The following KCNG4 variants were observed in gnomAD, a reference collection of about 807,000 sequenced individuals.
The protein encoded by KCNG4 is voltage-gated potassium channel regulatory subunit KCNG4.
In KCNG4, 30 loss-of-function variants were observed where a neutral mutation model predicts 28.2. The ratio of observed to expected loss-of-function variants is 1.06; its 90% confidence interval spans 0.80 to 1.44. KCNG4 has a LOEUF of 1.44. Ranked by LOEUF, KCNG4 falls within the 40% of genes most tolerant of loss-of-function variation. The probability of loss-of-function intolerance (pLI) is 0.00; values close to 1 mark genes in which losing one functional copy is unlikely to be tolerated. For missense variants in KCNG4, 879 were observed against 712.3 expected, an observed-to-expected ratio of 1.23 and a Z score of -2.66; for synonymous variants, 375 against 315.5, an observed-to-expected ratio of 1.19 and a Z score of -2.00.
chr16:84,232,440 G>A (rs985460703), intron 2 of KCNG4, among the ~76,000 whole-genome samples: 3 of 152,178 alleles, frequency 2.0e-5, no homozygotes, highest in Non-Finnish European at 2.9e-5. Context: ...GGAAGGAGGA[G>A]AGACTGCCTA....
At position 84,229,579 on chromosome 16, in the gene KCNG4, G is replaced by T. The variant is rs114025366; in HGVS notation, c.757-6559C>A. 2.9e-3 allele frequency among the ~76,000 whole-genome samples: 441 copies of T among 152,364 alleles called. 4 individuals are homozygous for T. The highest frequency in any genetic ancestry group is 0.01 in the African/African-American group (428 of 41,584). ...TGCTGGTGTCCCGTCAGCAGTCACC[G>T]AAGGAGAGACCTAGGGACTCTCCCA... On this transcript the variant is annotated intron_variant, in intron 2 of 2. Transcript: ENST00000308251.
Position 84,222,980 on chromosome 16 carries a change from T to C in KCNG4, c.797A>G (p.Glu266Gly). 1 of 1,546,832 alleles carries C rather than the reference T, an allele frequency of 6.5e-7. No individual in the cohort carries two copies. Among genetic ancestry groups the C allele is most frequent in the Non-Finnish European group, 8.7e-7 (1 of 1,145,944 alleles). ...SRKCYYIFIV[E>G]TICVAWFSLE... ...GGAGAACCAGGCCACGCAGATGGTC[T>C]CCACGATGAAAATATAGTAGCACTT... The change falls in exon 3 of 3, where the codon GAG becomes GGG. Residue 266 changes from glutamate (E) to glycine (G), a missense_variant. Glu to Gly is a moderately conservative substitution (Grantham distance 98). Transcript: ENST00000308251.
In KCNG4 at chr16:84,222,390, C is replaced by T. The variant is rs1308483470; in HGVS notation, c.1387G>A (p.Glu463Lys). ...AGCTGCTCCTGCTCCTTCTTGAGCT[C>T]CAGGTAGGAGTGGGAGAAGGTGTGG... ...IFHTFSHSYL[E>K]LKKEQEQLQA... is the part of the protein sequence containing the mutation. Residue 463 changes from glutamate to lysine, a missense_variant, in exon 3 of 3, where the codon GAG (glutamate) becomes AAG (lysine). Physicochemically the swap from Glu to Lys is moderately conservative, Grantham distance 56 (BLOSUM62 1). Coordinates refer to ENST00000308251, the MANE Select transcript of KCNG4 (RefSeq NM_172347.3). 10 of 1,613,946 alleles carry T rather than the reference C, an allele frequency of 6.2e-6. No individual in the cohort carries two copies. The highest frequency in any genetic ancestry group is 8.5e-6 in the Non-Finnish European group (10 of 1,180,014).
chr16:84,229,645 C>G (rs896585793), intron 2 of KCNG4, among the ~76,000 whole-genome samples: 3 of 152,172 alleles, frequency 2.0e-5, no homozygotes, highest in African/African-American at 4.8e-5. Context: ...CCTTCCTGAA[C>G]GACTCATGAA....
Position 84,226,244 on chromosome 16 carries a change from A to G in KCNG4, c.757-3224T>C, listed in dbSNP as rs1904694805. 1.3e-5 allele frequency among the ~76,000 whole-genome samples: 2 copies of G among 152,274 alleles called. No individual in the cohort carries two copies. Among genetic ancestry groups the G allele is most frequent in the South Asian group, 4.1e-4 (2 of 4,824 alleles). On this transcript the variant is annotated intron_variant, in intron 2 of 2. Transcript: ENST00000308251. This position sits in a 1 kb window ranked among gnomAD's most constrained non-coding sequence, Gnocchi z 4.1. Reference sequence around the variant, plus strand: ...AACACCGATGAATCCCACAGGCATGATGTGGAGCAAAGCAAGCCGGGTGTG... The same window carrying G: ...AACACCGATGAATCCCACAGGCATGGTGTGGAGCAAAGCAAGCCGGGTGTG...
rs765501123 is a variant in KCNG4 at position 84,236,804 on chromosome 16, T to C, written c.682A>G (p.Ile228Val). Residue 228 changes from isoleucine (I) to valine (V), a missense_variant, in exon 2 of 3, where the codon ATC becomes GTC. Ile to Val is a conservative substitution (Grantham distance 29). Transcript: ENST00000308251. ...ACGGCTGTGGTGGCCACGAAGAGGA[T>C]GGAGAGGCAAGCGAAGACCTTCCCG... ...LPGKVFACLS[I>V]LFVATTAVSL... 1.1e-5 allele frequency: 18 copies of C among 1,613,606 alleles called. No individual in the cohort carries two copies. Among genetic ancestry groups the C allele is most frequent in the Non-Finnish European group, 1.4e-5 (17 of 1,180,002 alleles).
rs752119109 is a variant in KCNG4 at position 84,221,938 on chromosome 16, T to G, written c.*279A>C. 9.1e-6 allele frequency: 4 copies of G among 440,632 alleles called. No individual in the cohort carries two copies. The highest frequency in any genetic ancestry group is 4.3e-5 in the East Asian group (1 of 23,262). The allele number at this position is 440,632 out of a possible 1,614,324, so 27.3% of individuals were successfully genotyped here. On this transcript the variant is annotated 3_prime_UTR_variant, in exon 3 of 3. Transcript: ENST00000308251. The stretch of plus-strand genomic sequence containing the variant: ...GCCTCTGCTGGGAAGGAAAAGAGAA[T>G]GAAAGGAGACTGAGCTACTCCAGCA...
intron 2 of KCNG4, among the ~76,000 whole-genome samples, chr16:84,234,545 T>A (rs1904898902): frequency 6.6e-6 from 1 of 152,172 alleles, no homozygotes; most frequent in Non-Finnish European, 1.5e-5. Flanking sequence ...CCAACGGACG[T>A]TGCTATGAGA....
intron 2 of KCNG4, among the ~76,000 whole-genome samples, chr16:84,233,545 A>T (rs1904874770): frequency 6.6e-6 from 1 of 152,150 alleles, no homozygotes. Context: ...TTTACAAAAA[A>T]TACAAAAAAT....
At chr16:84,234,331 C>G (rs772838663) in intron 2 of KCNG4, among the ~76,000 whole-genome samples, 1 of 152,270 alleles carries the variant, frequency 6.6e-6, no homozygotes, top group Admixed American at 6.5e-5. Flanking sequence ...AGCCACCACA[C>G]CTGGCTAATT....
At chr16:84,229,506 G>T (rs1458100154) in intron 2 of KCNG4, among the ~76,000 whole-genome samples, 2 of 152,232 alleles carry the variant, frequency 1.3e-5, no homozygotes, top group African/African-American at 2.4e-5. Context: ...GAATCTCACA[G>T]CGGTTCTCCC....
chr16:84,223,945 T>G (rs1344005775), intron 2 of KCNG4, among the ~76,000 whole-genome samples: 1 of 152,128 alleles, frequency 6.6e-6, no homozygotes, highest in Non-Finnish European at 1.5e-5. Context: ...GCCATCGACA[T>G]GCGGGATTCT....
In KCNG4 at chr16:84,236,940, G is replaced by T. The variant is rs560149231; in HGVS notation, c.546C>A (p.Asp182Glu). 1 of 1,613,560 alleles carries T rather than the reference G, an allele frequency of 6.2e-7. No individual in the cohort carries two copies. The highest frequency in any genetic ancestry group is 2.2e-5 in the East Asian group (1 of 44,880). ...GGGTCTCCCTCTGCTGCCTCAGTAC[G>T]TCCTCCCTGTGCAGCTTGGCCAGCT... ...LEELAKLHRE[D>E]VLRQQRETRR... The change falls in exon 2 of 3, where the codon GAC (aspartate) becomes GAA (glutamate). Residue 182 changes from aspartate to glutamate, a missense_variant. Physicochemically the swap from Asp to Glu is conservative, Grantham distance 45 (BLOSUM62 2). Transcript: ENST00000308251.
chr16:84,237,209 T>G lies in KCNG4; in HGVS notation c.277A>C (p.Ser93Arg), dbSNP rs1330177124. 1 of 1,614,116 alleles carries G rather than the reference T, an allele frequency of 6.2e-7. No homozygotes were observed. The highest frequency in any genetic ancestry group is 8.5e-7 in the Non-Finnish European group (1 of 1,180,036). The change falls in exon 2 of 3, where the codon AGC becomes CGC. Residue 93 changes from serine (S) to arginine (R), a missense_variant. Transcript: ENST00000308251. The part of the protein sequence containing the change: ...SRLSKLRLCR[S>R]YEEIVQLCDD... ...CAGAGCTGCACGATCTCCTCGTAGC[T>G]CCGACAGAGCCTGAGTTTGCTCAGG...
In KCNG4 at chr16:84,235,411, G is replaced by C. The variant is rs556765700; in HGVS notation, c.756+1319C>G. On this transcript the variant is annotated intron_variant, in intron 2 of 2. Coordinates refer to ENST00000308251, the MANE Select transcript of KCNG4 (RefSeq NM_172347.3). ...CATAAATATTTCTGTGAACAAGCAG[G>C]CTCTTAAATCTCATGTTTTTATGCT... 6 of 152,230 alleles carry C rather than the reference G, an allele frequency of 3.9e-5. No individual in the cohort carries two copies. The South Asian group carries it at 1.0e-3, about 26-fold the overall frequency. The allele number at this position is 152,230 out of a possible 1,614,324, so 9.4% of individuals were successfully genotyped here. A position where few individuals can be genotyped will look rare whatever the true frequency, so the allele number is the denominator to read the frequency against.
At chr16:84,231,116 G>A (rs1464199840) in intron 2 of KCNG4, among the ~76,000 whole-genome samples, 1 of 152,182 alleles carries the variant, frequency 6.6e-6, no homozygotes, top group Admixed American at 6.5e-5. Context: ...CCCCAAGGGG[G>A]AGCAGAACAA....
chr16:84,224,506 T>C (rs888913709), intron 2 of KCNG4, among the ~76,000 whole-genome samples: 4 of 152,098 alleles, frequency 2.6e-5, no homozygotes, highest in African/African-American at 9.7e-5. Context: ...AAAGGCAAGG[T>C]GTTGACAACC....
rs533203084 is a variant in KCNG4, at chr16:84,226,827, C to T, written c.757-3807G>A. ...CTGGTAGGCGGAGGTTGCAGTGAGCCGAGATTGCACCACTGCACTGCAGCC... is the reference window on the plus strand; with the variant it reads ...CTGGTAGGCGGAGGTTGCAGTGAGCTGAGATTGCACCACTGCACTGCAGCC... On this transcript the variant is annotated intron_variant, in intron 2 of 2. Transcript: ENST00000308251. The surrounding 1 kb of genome is among the most constrained non-coding windows in gnomAD (Gnocchi z 4.1). Among the ~76,000 whole-genome samples the T allele has an allele frequency of 3.3e-5, 5 of 151,894 alleles. No homozygotes were observed. The highest frequency in any genetic ancestry group is 3.9e-4 in the East Asian group (2 of 5,170).
Position 84,237,324 on chromosome 16 carries a change from T to C in KCNG4, c.162A>G (p.Pro54=), listed in dbSNP as rs756909101. 8.8e-6 allele frequency: 14 copies of C among 1,583,792 alleles called. No homozygotes were observed. The Admixed American group carries it at 8.8e-5, about 10-fold the overall frequency. The part of the protein sequence containing the change: ...VRKVGALDAS[P]VDLKKEILIN... The stretch of plus-strand genomic sequence containing the variant: ...TCAGGATCTCCTTCTTCAGGTCCAC[T>C]GGGGAGGCGTCCAGGGCACCCACCT... Residue 54 remains proline (P), a synonymous_variant, in exon 2 of 3, where the codon CCA becomes CCG. Coordinates refer to ENST00000308251, the MANE Select transcript of KCNG4 (RefSeq NM_172347.3).
Sources: allele counts gnomAD v4.1 joint callset (sites outside exome capture counted in the v4.1 genomes callset), GRCh38; gene constraint gnomAD v4.1.1; non-coding constraint Gnocchi (gnomAD v3.1); transcripts MANE v1.5; gene names NCBI Gene and HGNC (gene_info 2026-07-23, HGNC 2026-07-21).